CDH12: variants seen among roughly 807,000 people sequenced by gnomAD.
CDH12 encodes cadherin-12.
Under a neutral mutation model 74.1 loss-of-function variants are expected in CDH12, and 41 were observed. The ratio of observed to expected loss-of-function variants is 0.55; its 90% CI spans 0.43 to 0.72. CDH12 has a LOEUF of 0.72. Among genes scored for constraint, CDH12 ranks in the 30% least tolerant of loss-of-function variants. The probability of loss-of-function intolerance (pLI) is 0.00; values close to 1 mark genes in which losing one functional copy is unlikely to be tolerated. For synonymous variants in CDH12, 399 were observed against 355.0 expected (o/e 1.12, Z -1.39); for missense variants, 945 against 977.2 (o/e 0.97, Z 0.44).
intron 1 of CDH12, among the ~76,000 whole-genome samples, chr5:22,688,729 C>A (rs1741936401): frequency 6.6e-6 from 1 of 151,700 alleles, no homozygotes; most frequent in Admixed American, 6.6e-5. Context: ...TGTTGTATAA[C>A]TTTATATAAA....
At chr5:22,488,553 T>A (rs770698614) in intron 2 of CDH12, among the ~76,000 whole-genome samples, 7 of 152,160 alleles carry the variant, frequency 4.6e-5, no homozygotes, top group Non-Finnish European at 8.8e-5. Flanking sequence ...AACAATTCCC[T>A]GGGAATGTGC....
At chr5:22,731,729 C>A (rs1409725270) in intron 1 of CDH12, among the ~76,000 whole-genome samples, 1 of 151,800 alleles carries the variant, frequency 6.6e-6, no homozygotes, top group Non-Finnish European at 1.5e-5. Flanking sequence ...TTTACATGTC[C>A]TTCTAAATTG....
chr5:22,441,527 A>T (rs538701701), intron 2 of CDH12, among the ~76,000 whole-genome samples: 4 of 152,276 alleles, frequency 2.6e-5, no homozygotes, highest in African/African-American at 9.6e-5. Flanking sequence ...GCCATGGGAC[A>T]GTTTCACTAA....
At chr5:22,280,855 C>T (rs1263512539) in intron 3 of CDH12, among the ~76,000 whole-genome samples, 1 of 152,122 alleles carries the variant, frequency 6.6e-6, no homozygotes, top group Admixed American at 6.6e-5. Context: ...AAGAGCGAAT[C>T]CTCCCTAACT....
At chr5:22,570,840 T>G (rs1739507090) in intron 1 of CDH12, among the ~76,000 whole-genome samples, 1 of 152,190 alleles carries the variant, frequency 6.6e-6, no homozygotes, top group Non-Finnish European at 1.5e-5. Context: ...TTTATAAGAC[T>G]GTTTCATCTA....
intron 1 of CDH12, among the ~76,000 whole-genome samples, chr5:22,772,683 A>G (rs912445597): frequency 6.6e-5 from 10 of 152,124 alleles, no homozygotes; most frequent in African/African-American, 2.4e-4. Context: ...ATATGAGAGC[A>G]AAATTTTACG....
intron 3 of CDH12, among the ~76,000 whole-genome samples, chr5:22,369,168 T>C (rs1168581427): frequency 6.6e-6 from 1 of 151,904 alleles, no homozygotes; most frequent in Non-Finnish European, 1.5e-5. Flanking sequence ...TAAAATAAAA[T>C]AAAAACATCT....
chr5:22,035,482 C>A (rs1257034420), intron 5 of CDH12, among the ~76,000 whole-genome samples: 1 of 151,718 alleles, frequency 6.6e-6, no homozygotes, highest in African/African-American at 2.4e-5. Context: ...CATGTGAAAA[C>A]TGTAAATAAC....
At chr5:22,480,596 A>C (rs1413278695) in intron 2 of CDH12, among the ~76,000 whole-genome samples, 1 of 152,040 alleles carries the variant, frequency 6.6e-6, no homozygotes, top group Non-Finnish European at 1.5e-5. Context: ...AAAAAAAAAA[A>C]AAATACACCT....
At chr5:22,795,789 T>C (rs908029503) in intron 1 of CDH12, among the ~76,000 whole-genome samples, 1 of 151,562 alleles carries the variant, frequency 6.6e-6, no homozygotes, top group African/African-American at 2.4e-5. Flanking sequence ...TGTGTGGAAA[T>C]GAGAAATTAT....
intron 4 of CDH12, among the ~76,000 whole-genome samples, chr5:22,098,618 C>T (rs1386148212): frequency 3.3e-5 from 5 of 152,176 alleles, no homozygotes; most frequent in Non-Finnish European, 7.3e-5. Context: ...CTTTCTGCTC[C>T]CCAGCTCCTT....
At chr5:22,709,906 C>T (rs956276674) in intron 1 of CDH12, among the ~76,000 whole-genome samples, 22 of 152,158 alleles carry the variant, frequency 1.4e-4, no homozygotes, top group African/African-American at 5.3e-4. Context: ...GCCTGGTTCT[C>T]TTGCACAAAG....
At chr5:21,946,531 A>T (rs1301001688) in intron 6 of CDH12, among the ~76,000 whole-genome samples, 1 of 152,158 alleles carries the variant, frequency 6.6e-6, no homozygotes, top group Non-Finnish European at 1.5e-5. Flanking sequence ...CTTCACTCAA[A>T]GAGGTAAAAC....
intron 9 of CDH12, among the ~76,000 whole-genome samples, chr5:21,804,308 AG>A (rs949587581): frequency 3.3e-5 from 5 of 152,122 alleles, no homozygotes; most frequent in Admixed American, 2.6e-4. Context: ...AAAAAAAGAG[AG>A]AGGATCACCC....
At chr5:22,172,472 C>T (rs1282034061) in intron 4 of CDH12, 1 of 151,814 alleles carries the variant, frequency 6.6e-6, no homozygotes, top group African/African-American at 2.4e-5. Context: ...AAATCAGTTC[C>T]CTTGTATCTC....
At chr5:21,843,419 AATCT>A (rs1037764804) in intron 7 of CDH12, among the ~76,000 whole-genome samples, 116 of 152,262 alleles carry the variant, frequency 7.6e-4, no homozygotes, top group African/African-American at 2.6e-3. Context: ...TAAATTTGAC[AATCT>A]GAGATTTCTT....
chr5:22,116,341 C>A (rs1363686202), intron 4 of CDH12, among the ~76,000 whole-genome samples: 5 of 152,158 alleles, frequency 3.3e-5, no homozygotes, highest in African/African-American at 1.2e-4. Context: ...ATTCTTCCAA[C>A]AACCAATGCA....
At chr5:22,782,726 G>T (rs1747445195) in intron 1 of CDH12, among the ~76,000 whole-genome samples, 1 of 152,052 alleles carries the variant, frequency 6.6e-6, no homozygotes, top group South Asian at 2.1e-4. Flanking sequence ...TTTGAAAAAG[G>T]ATTATCATTT....
intron 6 of CDH12, among the ~76,000 whole-genome samples, chr5:21,928,227 C>G (rs934609084): frequency 2.0e-5 from 3 of 151,812 alleles, no homozygotes; most frequent in African/African-American, 7.3e-5. Flanking sequence ...AGACCTAGAG[C>G]GGGCTTCAAG....
Sources: gnomAD v4.1 joint callset for allele counts (sites outside exome capture counted in the v4.1 genomes callset) on GRCh38, gnomAD v4.1.1 for gene constraint, MANE v1.5 for transcripts, NCBI Gene and HGNC (gene_info 2026-07-23, HGNC 2026-07-21) for gene names.